STK38L: variants seen among roughly 807,000 people sequenced by gnomAD.
The protein encoded by STK38L is serine/threonine-protein kinase 38-like.
Under a neutral mutation model 59.7 loss-of-function variants are expected in STK38L, and 28 were observed. The observed-to-expected ratio is 0.47, with a 90% CI of 0.35 to 0.64. The LOEUF is 0.64. Among genes scored for constraint, STK38L ranks in the 30% least tolerant of loss-of-function variants. The probability of loss-of-function intolerance (pLI) is 0.01; values close to 1 mark genes in which losing one functional copy is unlikely to be tolerated. For missense variants in STK38L, 314 were observed against 555.8 expected (o/e 0.56, Z 4.37); for synonymous variants, 162 against 176.8 (o/e 0.92, Z 0.66).
intron 1 of STK38L, chr12:27,296,921 C>T (rs1407270334): frequency 2.0e-5 from 3 of 152,200 alleles, no homozygotes; most frequent in East Asian, 1.9e-4. Flanking sequence ...TAAAAGTTGG[C>T]ACTGGAATGC....
intron 1 of STK38L, among the ~76,000 whole-genome samples, chr12:27,282,127 A>G (rs1001829091): frequency 2.6e-5 from 4 of 152,224 alleles, no homozygotes; most frequent in African/African-American, 9.6e-5. Flanking sequence ...TTAATGTCAC[A>G]TCTGAATAAC....
chr12:27,291,685 AG>A (rs1943899684), intron 1 of STK38L, among the ~76,000 whole-genome samples: 1 of 152,206 alleles, frequency 6.6e-6, no homozygotes, highest in Admixed American at 6.6e-5. Flanking sequence ...CCCTTTCGTT[AG>A]GGACCCAGTT....
At chr12:27,302,709 T>A (rs1434908559) in intron 3 of STK38L, among the ~76,000 whole-genome samples, 1 of 152,092 alleles carries the variant, frequency 6.6e-6, no homozygotes, top group Non-Finnish European at 1.5e-5. Context: ...TCTCGGGATA[T>A]GGGCAAGCTC....
At chr12:27,251,504 A>G (rs553700108) in intron 1 of STK38L, among the ~76,000 whole-genome samples, 1 of 152,354 alleles carries the variant, frequency 6.6e-6, no homozygotes, top group Admixed American at 6.5e-5. Context: ...ATTTAAACTT[A>G]GGTCTTTCGA....
intron 1 of STK38L, among the ~76,000 whole-genome samples, chr12:27,247,162 TA>T (rs2136597373): frequency 6.6e-6 from 1 of 152,330 alleles, no homozygotes; most frequent in African/African-American, 2.4e-5. Flanking sequence ...CCTTTACATA[TA>T]TTACTTACTT....
Position 27,293,253 on chromosome 12 carries a change from A to G in STK38L, c.-11-4457A>G, listed in dbSNP as rs533733994. Reference sequence around the variant, plus strand: ...TTCCTCAAAAGTTTTGTCCACCTCTAGCCCCCCAATTTGGCTTCATTCTGG... The same window carrying G: ...TTCCTCAAAAGTTTTGTCCACCTCTGGCCCCCCAATTTGGCTTCATTCTGG... On this transcript the variant is annotated intron_variant, in intron 1 of 13. Coordinates refer to ENST00000389032, the MANE Select transcript of STK38L (RefSeq NM_015000.4). Among the ~76,000 whole-genome samples the G allele has an allele frequency of 9.2e-5, 14 of 152,292 alleles. No homozygotes were observed. In the East Asian group the frequency reaches 2.5e-3, roughly 27 times the overall value.
At chr12:27,252,868 C>T (rs1267538937) in intron 1 of STK38L, among the ~76,000 whole-genome samples, 2 of 152,134 alleles carry the variant, frequency 1.3e-5, no homozygotes, top group Non-Finnish European at 1.5e-5. Flanking sequence ...ATTTGCAGGG[C>T]ACTGTGTTAG....
chr12:27,319,235 A>G (rs1944665493), intron 11 of STK38L, 93 bp from the exon 12 acceptor site: 3 of 760,358 alleles, frequency 3.9e-6, no homozygotes, highest in African/African-American at 3.5e-5. Context: ...GAAAAACATT[A>G]TATTTCTTTA....
chr12:27,253,220 T>G (rs1311316052), intron 1 of STK38L, among the ~76,000 whole-genome samples: 2 of 152,200 alleles, frequency 1.3e-5, no homozygotes, highest in African/African-American at 4.8e-5. Flanking sequence ...CCTTTGAACT[T>G]AGAGAATTGA....
At position 27,244,327 on chromosome 12, in the gene STK38L, A is replaced by C. The variant is rs370948974; in HGVS notation, c.-17A>C. The C allele has an allele frequency of 3.3e-5, 5 of 152,412 alleles. No homozygotes were observed. The highest frequency in any genetic ancestry group is 1.9e-4 in the East Asian group (1 of 5,184). The allele number at this position is 152,412 out of a possible 1,614,324, so 9.4% of individuals were successfully genotyped here. A position where few individuals can be genotyped will look rare whatever the true frequency, so the allele number is the denominator to read the frequency against. On this transcript the variant is annotated 5_prime_UTR_variant, in exon 1 of 14. Transcript: ENST00000389032. ...CTGAGCCGGCCGCGGGCGCGACCGG[A>C]GGCAGGTGAGTTCGCGGATGTAGCG...
chr12:27,317,504 C>T, intron 10 of STK38L, 51 bp downstream of exon 10: 5 of 1,380,712 alleles, frequency 3.6e-6, no homozygotes, highest in Non-Finnish European at 3.0e-6. Context: ...TCCTTGAGTG[C>T]CATTGTTTGA....
At chr12:27,281,795 G>A (rs1471372172) in intron 1 of STK38L, among the ~76,000 whole-genome samples, 1 of 152,106 alleles carries the variant, frequency 6.6e-6, no homozygotes, top group Non-Finnish European at 1.5e-5. Context: ...AGCACTTTGG[G>A]AGGCCGAGAC....
intron 1 of STK38L, among the ~76,000 whole-genome samples, chr12:27,255,531 A>T (rs969531585): frequency 3.3e-5 from 5 of 152,234 alleles, no homozygotes; most frequent in African/African-American, 1.2e-4. Flanking sequence ...GAGTTGAAAG[A>T]TGCTTTAGAG....
At chr12:27,271,230 A>T (rs1943416113) in intron 1 of STK38L, among the ~76,000 whole-genome samples, 1 of 152,258 alleles carries the variant, frequency 6.6e-6, no homozygotes, top group Non-Finnish European at 1.5e-5. Context: ...TTAGACGTAG[A>T]TTCATAGGTA....
chr12:27,284,983 G>GT (rs958441995), intron 1 of STK38L, among the ~76,000 whole-genome samples: 14 of 151,978 alleles, frequency 9.2e-5, no homozygotes, highest in African/African-American at 3.4e-4. Context: ...GTTGGGAACA[G>GT]TTTTTTTTGG....
intron 11 of STK38L, among the ~76,000 whole-genome samples, chr12:27,319,033 CTTT>C (rs1451325419): frequency 6.6e-6 from 1 of 152,068 alleles, no homozygotes; most frequent in Non-Finnish European, 1.5e-5. Context: ...TATTTAATGA[CTTT>C]GGCAAATTTT....
chr12:27,322,118 A>G, intron 12 of STK38L, 25 bp from the exon 13 acceptor site: 1 of 1,597,086 alleles, frequency 6.3e-7, no homozygotes, highest in South Asian at 1.1e-5. Flanking sequence ...AAAAGTTACC[A>G]TGCATACTTA....
rs1470579010 is a variant in STK38L, at chr12:27,279,975, C to T, written c.-11-17735C>T. On this transcript the variant is annotated intron_variant, in intron 1 of 13. Coordinates refer to ENST00000389032, the MANE Select transcript of STK38L (RefSeq NM_015000.4). ...TGGGATGATGACTTAACTAAGCCTA[C>T]TTCCTTATTTGTAAATGTGGGAAGC... Among the ~76,000 whole-genome samples the T allele has an allele frequency of 1.3e-5, 2 of 152,232 alleles. 1 individual carries two copies. The highest frequency in any genetic ancestry group is 3.9e-4 in the East Asian group (2 of 5,178).
At chr12:27,268,946 G>T (rs905465674) in intron 1 of STK38L, among the ~76,000 whole-genome samples, 1 of 152,110 alleles carries the variant, frequency 6.6e-6, no homozygotes, top group East Asian at 1.9e-4. Context: ...CATATCCTTC[G>T]CCCACTTTTT....
Sources: gnomAD v4.1 joint callset for allele counts (sites outside exome capture counted in the v4.1 genomes callset) on GRCh38, gnomAD v4.1.1 for gene constraint, MANE v1.5 for transcripts, NCBI Gene and HGNC (gene_info 2026-07-23, HGNC 2026-07-21) for gene names.